The following TNN variants were observed in gnomAD, a reference collection of about 807,000 sequenced individuals.
The protein encoded by TNN is tenascin N.
In TNN, 122 loss-of-function variants were observed where a neutral mutation model predicts 134.4. The ratio of observed to expected loss-of-function variants is 0.91; its 90% CI spans 0.78 to 1.06. TNN has a LOEUF of 1.06. Among genes scored for constraint, TNN ranks in the 50% least tolerant of loss-of-function variants. The pLI is 0.00. For missense variants in TNN, 1,739 were observed against 1,699.4 expected (o/e 1.02, Z -0.41); for synonymous variants, 710 against 670.3 (o/e 1.06, Z -0.91).
intron 1 of TNN, among the ~76,000 whole-genome samples, chr1:175,073,481 G>T (rs1673965720): frequency 6.6e-6 from 1 of 152,144 alleles, no homozygotes; most frequent in South Asian, 2.1e-4. Context: ...GGTCTTAGAA[G>T]AGAATTGCTT....
chr1:175,080,983 A>C (rs1674187693), intron 4 of TNN, among the ~76,000 whole-genome samples: 1 of 152,256 alleles, frequency 6.6e-6, no homozygotes, highest in Non-Finnish European at 1.5e-5. Context: ...TTGGACCCAG[A>C]GAGAGCTGTA....
chr1:175,125,948 C>T (rs1283378290), intron 12 of TNN, among the ~76,000 whole-genome samples: 3 of 133,114 alleles, frequency 2.3e-5, no homozygotes, highest in East Asian at 4.9e-4. Flanking sequence ...CGCTTCTCTC[C>T]CTTTCTTTCT....
At chr1:175,114,942 C>A (rs556385240) in intron 9 of TNN, among the ~76,000 whole-genome samples, 7 of 152,148 alleles carry the variant, frequency 4.6e-5, no homozygotes, top group African/African-American at 1.7e-4. Flanking sequence ...CAGCAAGCAT[C>A]CCAAAATAAT....
chr1:175,125,585 C>T (rs760939995), intron 12 of TNN, among the ~76,000 whole-genome samples: 5 of 149,914 alleles, frequency 3.3e-5, no homozygotes, highest in Non-Finnish European at 7.4e-5. Context: ...CTCTCTCTCT[C>T]CCTCTTTCTT....
intron 1 of TNN, among the ~76,000 whole-genome samples, chr1:175,071,665 G>T (rs1037479187): frequency 1.3e-5 from 2 of 152,072 alleles, no homozygotes; most frequent in Admixed American, 1.3e-4. Flanking sequence ...GAACACAGAC[G>T]CAGGCAGTGG....
At chr1:175,071,103 C>T (rs1673905227) in intron 1 of TNN, among the ~76,000 whole-genome samples, 1 of 152,192 alleles carries the variant, frequency 6.6e-6, no homozygotes. Context: ...TGATGATACA[C>T]TTTTTCTAAA....
intron 1 of TNN, among the ~76,000 whole-genome samples, chr1:175,076,470 A>G (rs1381585325): frequency 6.6e-6 from 1 of 152,262 alleles, no homozygotes; most frequent in Non-Finnish European, 1.5e-5. Flanking sequence ...CACCAGGTCA[A>G]CGCTCAAGAG....
chr1:175,128,757 C>A lies in TNN; in HGVS notation c.3330+11C>A. ...GGAGGTGGCTGGATTGTGAGTCACG[C>A]AGAACCCTGGGGAGCTCTGTGTAGG... On this transcript the variant is annotated intron_variant, in intron 15 of 18. Transcript: ENST00000239462. 6.2e-7 allele frequency: 1 copy of A among 1,609,874 alleles called. No homozygotes were observed. Among genetic ancestry groups the A allele is most frequent in the Non-Finnish European group, 8.5e-7 (1 of 1,177,524 alleles).
intron 17 of TNN, among the ~76,000 whole-genome samples, chr1:175,139,487 A>G (rs1428077299): frequency 6.6e-6 from 1 of 152,138 alleles, no homozygotes; most frequent in Non-Finnish European, 1.5e-5. Context: ...ACTGTCTTCC[A>G]CCTCCGCATC....
intron 7 of TNN, among the ~76,000 whole-genome samples, chr1:175,094,921 T>C (rs559741988): frequency 6.6e-6 from 1 of 152,348 alleles, no homozygotes; most frequent in East Asian, 1.9e-4. Flanking sequence ...GCTTCGCTTA[T>C]TGTTTGCATT....
intron 9 of TNN, among the ~76,000 whole-genome samples, chr1:175,115,373 G>A (rs1027186358): frequency 6.6e-6 from 1 of 152,156 alleles, no homozygotes; most frequent in African/African-American, 2.4e-5. Flanking sequence ...GCCCCTACGA[G>A]TAGAGTGCTG....
chr1:175,107,449 T>G (rs1412162117), intron 9 of TNN, among the ~76,000 whole-genome samples: 2 of 144,534 alleles, frequency 1.4e-5, no homozygotes, highest in Non-Finnish European at 3.1e-5. Context: ...TTACAGCTCT[T>G]AAGGCAGCAC....
chr1:175,122,900 G>A (rs1675413577), intron 11 of TNN, among the ~76,000 whole-genome samples: 1 of 152,130 alleles, frequency 6.6e-6, no homozygotes, highest in Non-Finnish European at 1.5e-5. Flanking sequence ...TGAGAGGGTG[G>A]GAAGGCCTAA....
intron 7 of TNN, among the ~76,000 whole-genome samples, chr1:175,094,980 A>G (rs1020614355): frequency 1.3e-5 from 2 of 152,198 alleles, no homozygotes; most frequent in African/African-American, 4.8e-5. Flanking sequence ...AAGCAGAGAG[A>G]TGGTTAGGAA....
chr1:175,146,925 T>TTTGTTG lies in TNN; in HGVS notation c.3760-6_3760-5insTTGTTG. 6.7e-7 allele frequency: 1 copy of TTTGTTG among 1,488,354 alleles called. No individual in the cohort carries two copies. The highest frequency in any genetic ancestry group is 9.0e-7 in the Non-Finnish European group (1 of 1,116,822). The allele number at this position is 1,488,354 out of a possible 1,614,324, so 92.2% of individuals were successfully genotyped here. Reference sequence around the variant, plus strand: ...CTTGATGTGGCTTTTTTTTTTTTTTTGGTAGGGGGTGAACTGGGAGCCTTG... The same window carrying TTTGTTG: ...CTTGATGTGGCTTTTTTTTTTTTTTTTTGTTGGGTAGGGGGTGAACTGGGAGCCTTG... On this transcript the variant is annotated splice_region_variant and splice_polypyrimidine_tract_variant and intron_variant, in intron 18 of 18. Coordinates refer to ENST00000239462, the MANE Select transcript of TNN (RefSeq NM_022093.2).
chr1:175,111,865 A>G (rs1380729689), intron 9 of TNN, among the ~76,000 whole-genome samples: 1 of 151,272 alleles, frequency 6.6e-6, no homozygotes, highest in Non-Finnish European at 1.5e-5. Context: ...ACTTTATTGA[A>G]TTTATCAGCT....
chr1:175,084,497 G>A (rs1674280231), intron 5 of TNN, among the ~76,000 whole-genome samples: 1 of 152,194 alleles, frequency 6.6e-6, no homozygotes, highest in South Asian at 2.1e-4. Flanking sequence ...GATCAAGTTT[G>A]GCAGTGCTTG....
chr1:175,113,253 T>C (rs1675082901), intron 9 of TNN, among the ~76,000 whole-genome samples: 1 of 152,218 alleles, frequency 6.6e-6, no homozygotes, highest in African/African-American at 2.4e-5. Context: ...TGGTGATGGA[T>C]TCCCTCAGTT....
intron 9 of TNN, among the ~76,000 whole-genome samples, chr1:175,110,497 C>G (rs924963798): frequency 6.6e-6 from 1 of 152,182 alleles, no homozygotes; most frequent in Non-Finnish European, 1.5e-5. Context: ...TTCATAGTTT[C>G]AGGTCTTACA....
Sources: gnomAD v4.1 joint callset for allele counts (sites outside exome capture counted in the v4.1 genomes callset) on GRCh38, gnomAD v4.1.1 for gene constraint, MANE v1.5 for transcripts, NCBI Gene and HGNC (gene_info 2026-07-23, HGNC 2026-07-21) for gene names.